The following SEPTIN9 variants were observed in gnomAD, a reference collection of about 807,000 sequenced individuals.
SEPTIN9 encodes the protein septin-9.
A neutral mutation model predicts 56.6 loss-of-function variants in SEPTIN9; 13 were observed. The observed-to-expected ratio is 0.23, with a 90% CI of 0.15 to 0.37. SEPTIN9 has a LOEUF of 0.37. Ranked by LOEUF, SEPTIN9 falls within the 10% of genes least tolerant of loss-of-function variation. The pLI is 1.00. For synonymous variants in SEPTIN9, 332 were observed against 334.1 expected, an observed-to-expected ratio of 0.99 and a Z score of 0.07; for missense variants, 650 against 823.1, an observed-to-expected ratio of 0.79 and a Z score of 2.57.
intron 1 of SEPTIN9, among the ~76,000 whole-genome samples, chr17:77,286,627 C>T (rs2031292257): frequency 6.6e-6 from 1 of 152,210 alleles, no homozygotes; most frequent in Admixed American, 6.5e-5. Context: ...TCCTCTGACA[C>T]TCTCCTGCCA....
In SEPTIN9 at chr17:77,450,520, G is replaced by T; in HGVS notation, c.722-31624G>T. 2 of 985,502 alleles carry T rather than the reference G, an allele frequency of 2.0e-6. No homozygotes were observed. The highest frequency in any genetic ancestry group is 2.4e-6 in the Non-Finnish European group (2 of 830,000). The allele number at this position is 985,502 out of a possible 1,614,324, so 61.0% of individuals were successfully genotyped here. ...GTGTGGGAGTGGCCACGCCCCTGCT[G>T]GGAGTGACTCACTTGGGTTCAGAGG... On this transcript the variant is annotated intron_variant, in intron 3 of 11. Coordinates refer to ENST00000427177, the MANE Select transcript of SEPTIN9 (RefSeq NM_001113491.2). This position sits in a 1 kb window ranked among gnomAD's most constrained non-coding sequence, Gnocchi z 6.0.
chr17:77,403,075 C>T (rs1011301843), intron 3 of SEPTIN9, among the ~76,000 whole-genome samples: 1 of 152,128 alleles, frequency 6.6e-6, no homozygotes, highest in Admixed American at 6.5e-5. Context: ...CAGGCTCATG[C>T]AGGGGTGTAG....
rs563752217 is a variant in SEPTIN9 at position 77,421,179 on chromosome 17, C to G, written c.721+18476C>G. ...ATGCCAGGAGCCCGAGACCTTCCAG[C>G]TCTTTCCTGTGTAAGGCGCCATGGG... On this transcript the variant is annotated intron_variant, in intron 3 of 11. Transcript: ENST00000427177. This position sits in a 1 kb window ranked among gnomAD's most constrained non-coding sequence, Gnocchi z 4.6. Among the ~76,000 whole-genome samples the G allele has an allele frequency of 6.6e-6, 1 of 152,344 alleles. No individual in the cohort carries two copies. Among genetic ancestry groups the G allele is most frequent in the Non-Finnish European group, 1.5e-5 (1 of 68,028 alleles).
rs944782353 is a variant in SEPTIN9 at position 77,389,124 on chromosome 17, A to C, written c.77-12935A>C. On this transcript the variant is annotated intron_variant, in intron 2 of 11. Transcript: ENST00000427177. The surrounding 1 kb of genome is among the most constrained non-coding windows in gnomAD (Gnocchi z 4.3). ...GGCAGAGCTTCCCATCCATGGGAAG[A>C]AGCACCGAGCAGCCTTGCTGGCTCC... 2.0e-5 allele frequency among the ~76,000 whole-genome samples: 3 copies of C among 152,122 alleles called. No homozygotes were observed. Among genetic ancestry groups the C allele is most frequent in the Non-Finnish European group, 4.4e-5 (3 of 68,000 alleles).
chr17:77,417,845 G>C lies in SEPTIN9; in HGVS notation c.721+15142G>C, dbSNP rs537831683. On this transcript the variant is annotated intron_variant, in intron 3 of 11. Transcript: ENST00000427177. ...TGCAAATCCTCCTACCGGAGGGGGG[G>C]TTCCAGGAACCCAGCCTTGCTCGGG... 8.5e-5 allele frequency among the ~76,000 whole-genome samples: 13 copies of C among 152,314 alleles called. 1 individual carries two copies. The highest frequency in any genetic ancestry group is 3.1e-4 in the African/African-American group (13 of 41,562).
Position 77,313,583 on chromosome 17 carries a change from G to A in SEPTIN9, c.76+6386G>A, listed in dbSNP as rs911479710. ...AGGCGGGCCAGGCTGGGGCCAGCCTGGAGGGTCTTGGCTGGCTCTGCTGGC... is the reference window on the plus strand; with the variant it reads ...AGGCGGGCCAGGCTGGGGCCAGCCTAGAGGGTCTTGGCTGGCTCTGCTGGC... On this transcript the variant is annotated intron_variant, in intron 2 of 11. Transcript: ENST00000427177. This position sits in a 1 kb window ranked among gnomAD's most constrained non-coding sequence, Gnocchi z 4.5. Among the ~76,000 whole-genome samples, 7 of 152,122 alleles carry A rather than the reference G, an allele frequency of 4.6e-5. No individual in the cohort carries two copies. The highest frequency in any genetic ancestry group is 1.7e-4 in the African/African-American group (7 of 41,436).
In SEPTIN9 at chr17:77,482,654, T is replaced by A. The variant is rs1037436617; in HGVS notation, c.913+319T>A. Reference sequence around the variant, plus strand: ...CAATGACGTCAGCTTGTGCAGAGGGTTCTGTGGCAGCTGTCCCCTCACTGT... The same window carrying A: ...CAATGACGTCAGCTTGTGCAGAGGGATCTGTGGCAGCTGTCCCCTCACTGT... On this transcript the variant is annotated intron_variant, in intron 4 of 11. Transcript: ENST00000427177. The A allele has an allele frequency of 9.8e-6, 6 of 610,958 alleles. No homozygotes were observed. In the Admixed American group the frequency reaches 1.6e-4, roughly 16 times the overall value. The allele number at this position is 610,958 out of a possible 1,614,324, so 37.8% of individuals were successfully genotyped here.
In SEPTIN9 at chr17:77,317,240, TCA is replaced by T. The variant is rs1476380730; in HGVS notation, c.76+10045_76+10046del. Among the ~76,000 whole-genome samples the T allele has an allele frequency of 1.3e-5, 2 of 150,864 alleles. No individual in the cohort carries two copies. Among genetic ancestry groups the T allele is most frequent in the Non-Finnish European group, 3.0e-5 (2 of 67,784 alleles). ...GCAGGCCACACATCCGAGATCAGGGTCACCAGGCTGAAATCAGGGTGTCCACT... is the reference window on the plus strand; with the variant it reads ...GCAGGCCACACATCCGAGATCAGGGTCCAGGCTGAAATCAGGGTGTCCACT... On this transcript the variant is annotated intron_variant, in intron 2 of 11. Coordinates refer to ENST00000427177, the MANE Select transcript of SEPTIN9 (RefSeq NM_001113491.2). This position sits in a 1 kb window ranked among gnomAD's most constrained non-coding sequence, Gnocchi z 4.2.
rs1221794852 is a variant in SEPTIN9, at chr17:77,456,009, C to T, written c.722-26135C>T. The stretch of plus-strand genomic sequence containing the variant: ...CTGCCCTGGAAGATTCCCGGCACCG[C>T]TTCCCATGCGCCACGTGACTAGGAG... On this transcript the variant is annotated intron_variant, in intron 3 of 11. Transcript: ENST00000427177. The surrounding 1 kb of genome is among the most constrained non-coding windows in gnomAD (Gnocchi z 6.0). Among the ~76,000 whole-genome samples the T allele has an allele frequency of 6.6e-6, 1 of 152,196 alleles. No homozygotes were observed. Among genetic ancestry groups the T allele is most frequent in the African/African-American group, 2.4e-5 (1 of 41,446 alleles).
intron 3 of SEPTIN9, among the ~76,000 whole-genome samples, chr17:77,432,341 T>A (rs1348624616): frequency 6.6e-6 from 1 of 151,504 alleles, no homozygotes. Flanking sequence ...ATCGTCATCA[T>A]CACGGCGGCA....
At chr17:77,397,852 T>C (rs1778151226) in intron 2 of SEPTIN9, among the ~76,000 whole-genome samples, 2 of 152,166 alleles carry the variant, frequency 1.3e-5, no homozygotes, top group Non-Finnish European at 2.9e-5. Context: ...GGTTTTACCA[T>C]GTTGGCCAGG....
Position 77,288,234 on chromosome 17 carries a change from G to T in SEPTIN9, c.19+6680G>T, listed in dbSNP as rs59820225. The T allele has an allele frequency of 3.1e-3, 3,167 of 1,037,966 alleles. 65 individuals are homozygous for T. The African/African-American group carries it at 0.045, about 15-fold the overall frequency. 64.3% of individuals were successfully genotyped at this position (1,037,966 alleles called of 1,614,324 possible). On this transcript the variant is annotated intron_variant, in intron 1 of 11. Coordinates refer to ENST00000427177, the MANE Select transcript of SEPTIN9 (RefSeq NM_001113491.2). Reference sequence around the variant, plus strand: ...AGGTGGGTGCATTGCTCTCTTTCCGGCTCCTCCCAGGCTGCTTAAATGACC... The same window carrying T: ...AGGTGGGTGCATTGCTCTCTTTCCGTCTCCTCCCAGGCTGCTTAAATGACC...
At chr17:77,477,247 C>T (rs2039253566) in intron 3 of SEPTIN9, among the ~76,000 whole-genome samples, 1 of 152,114 alleles carries the variant, frequency 6.6e-6, no homozygotes, top group African/African-American at 2.4e-5. Flanking sequence ...ATAAGCATCA[C>T]CTCTAATTCC....
At position 77,371,949 on chromosome 17, in the gene SEPTIN9, C is replaced by T. The variant is rs976292164; in HGVS notation, c.77-30110C>T. 2.0e-5 allele frequency among the ~76,000 whole-genome samples: 3 copies of T among 152,168 alleles called. No individual in the cohort carries two copies. Among genetic ancestry groups the T allele is most frequent in the Non-Finnish European group, 2.9e-5 (2 of 68,038 alleles). On this transcript the variant is annotated intron_variant, in intron 2 of 11. Transcript: ENST00000427177. This position sits in a 1 kb window ranked among gnomAD's most constrained non-coding sequence, Gnocchi z 4.1. Reference sequence around the variant, plus strand: ...TTTCCGCAAGAGACCCCCTGCCCCCCGCCTCTCCAGAATGGCTGGAGAGTC... The same window carrying T: ...TTTCCGCAAGAGACCCCCTGCCCCCTGCCTCTCCAGAATGGCTGGAGAGTC...
intron 1 of SEPTIN9, among the ~76,000 whole-genome samples, chr17:77,291,511 A>C (rs1028848767): frequency 5.3e-5 from 8 of 152,006 alleles, no homozygotes; most frequent in Non-Finnish European, 8.8e-5. Flanking sequence ...ACATGCCTGT[A>C]ATCCCAGCTA....
At chr17:77,288,084 A>G (rs2143496346) in intron 1 of SEPTIN9, 11 of 1,063,968 alleles carry the variant, frequency 1.0e-5, no homozygotes, top group South Asian at 4.6e-5. Flanking sequence ...AGGGCCAGAA[A>G]GTCCCCTTTG....
At chr17:77,375,055 A>T (rs1268299067) in intron 2 of SEPTIN9, 1 of 86,964 alleles carries the variant, frequency 1.1e-5, no homozygotes, top group Admixed American at 1.4e-4. Flanking sequence ...CCTCCCCCAC[A>T]ACACCTCCTC....
At chr17:77,498,397 C>T (rs566149117) in intron 11 of SEPTIN9, 126 bp from the exon 12 acceptor site, 39 of 653,874 alleles carry the variant, frequency 6.0e-5, no homozygotes, top group Non-Finnish European at 8.7e-5. Context: ...GCCAAGCAGT[C>T]GGGATGGGGA....
rs2037247879 is a variant in SEPTIN9 at position 77,434,004 on chromosome 17, T to G, written c.721+31301T>G. On this transcript the variant is annotated intron_variant, in intron 3 of 11. Transcript: ENST00000427177. This position sits in a 1 kb window ranked among gnomAD's most constrained non-coding sequence, Gnocchi z 5.0. Reference sequence around the variant, plus strand: ...CCTCTGCAGGGACGCTGTGTGTGCCTGTGTGAGTCTGGCGTGTTAGAAGCG... The same window carrying G: ...CCTCTGCAGGGACGCTGTGTGTGCCGGTGTGAGTCTGGCGTGTTAGAAGCG... 6.6e-6 allele frequency among the ~76,000 whole-genome samples: 1 copy of G among 152,180 alleles called. No homozygotes were observed. The highest frequency in any genetic ancestry group is 1.9e-4 in the East Asian group (1 of 5,180).
Sources: gnomAD v4.1 joint callset for allele counts (sites outside exome capture counted in the v4.1 genomes callset) on GRCh38, gnomAD v4.1.1 for gene constraint, Gnocchi (gnomAD v3.1) non-coding constraint, MANE v1.5 for transcripts, NCBI Gene and HGNC (gene_info 2026-07-23, HGNC 2026-07-21) for gene names.